RMI2: variants seen among roughly 807,000 people sequenced by gnomAD.
The protein encoded by RMI2 is RecQ mediated genome instability 2, also known as recQ-mediated genome instability protein 2.
Under a neutral mutation model 8.4 loss-of-function variants are expected in RMI2, and 11 were observed. The ratio of observed to expected loss-of-function variants is 1.32; its 90% CI spans 0.83 to 2.18. The LOEUF (loss-of-function observed/expected upper bound fraction) is 2.18. RMI2 is among the 30% of genes most tolerant of loss of function. RMI2 has a pLI of 0.00. For missense variants in RMI2, 253 were observed against 207.5 expected, an observed-to-expected ratio of 1.22 and a Z score of -1.35; for synonymous variants, 105 against 93.8, an observed-to-expected ratio of 1.12 and a Z score of -0.69.
intron 1 of RMI2, among the ~76,000 whole-genome samples, chr16:11,346,255 CTTT>C (rs34808246): frequency 3.5e-5 from 4 of 115,926 alleles, no homozygotes; most frequent in Admixed American, 9.0e-5. Context: ...TGCCTCCTCT[CTTT>C]TTTTTTTTTT....
chr16:11,347,972 G>T (rs1181664601), intron 1 of RMI2, among the ~76,000 whole-genome samples: 2 of 152,078 alleles, frequency 1.3e-5, no homozygotes, highest in African/African-American at 4.8e-5. Flanking sequence ...GTAGAGATGG[G>T]GTTTCAACAT....
In RMI2 at chr16:11,349,468, C is replaced by G. The variant is rs1197693397; in HGVS notation, c.296-1174C>G. ...TGCCTTCTCAGTAGAGCTCCTGTTCCCCTCTCCCGGTTGGAATGCCCTTGG... is the reference window on the plus strand; with the variant it reads ...TGCCTTCTCAGTAGAGCTCCTGTTCGCCTCTCCCGGTTGGAATGCCCTTGG... On this transcript the variant is annotated intron_variant, in intron 1 of 1. Coordinates refer to ENST00000312499, the MANE Select transcript of RMI2 (RefSeq NM_152308.3). This position sits in a 1 kb window ranked among gnomAD's most constrained non-coding sequence, Gnocchi z 4.2. The G allele has an allele frequency of 2.6e-5, 4 of 152,512 alleles. No individual in the cohort carries two copies. The highest frequency in any genetic ancestry group is 9.7e-5 in the African/African-American group (4 of 41,440). The allele number at this position is 152,512 out of a possible 1,614,324, so 9.4% of individuals were successfully genotyped here. A position where few individuals can be genotyped will look rare whatever the true frequency, so the allele number is the denominator to read the frequency against.
In RMI2 at chr16:11,345,706, G is replaced by A. The variant is rs994188486; in HGVS notation, c.235G>A (p.Gly79Arg). 2.4e-6 allele frequency: 3 copies of A among 1,261,306 alleles called. No individual in the cohort carries two copies. The highest frequency in any genetic ancestry group is 3.0e-5 in the African/African-American group (2 of 65,638). 78.1% of individuals were successfully genotyped at this position (1,261,306 alleles called of 1,614,324 possible). The change falls in exon 1 of 2, where the codon GGG becomes AGG. Residue 79 changes from glycine (G) to arginine (R), a missense_variant. Transcript: ENST00000312499. Reference sequence around the variant, plus strand: ...CGAGGCTCGGCTGAGGGACCCGAGCGGGGACTTCTCGGTCCGCGGCCTGGA... The same window carrying A: ...CGAGGCTCGGCTGAGGGACCCGAGCAGGGACTTCTCGGTCCGCGGCCTGGA... Reference protein sequence around the residue: ...RGEARLRDPSGDFSVRGLERV... With the variant: ...RGEARLRDPSRDFSVRGLERV...
chr16:11,351,564 G>A lies in RMI2; in HGVS notation c.*774G>A, dbSNP rs141231542. The A allele has an allele frequency of 1.2e-4, 28 of 232,238 alleles. No individual in the cohort carries two copies. In the East Asian group the frequency reaches 1.6e-3, roughly 14 times the overall value. 14.4% of individuals were successfully genotyped at this position (232,238 alleles called of 1,614,324 possible). A position where few individuals can be genotyped will look rare whatever the true frequency, so the allele number is the denominator to read the frequency against. ...GGCGAGACATGGTGAGCCTCCTGGT[G>A]TAGAGTTCTTTTGTCTTTGTATGGA... On this transcript the variant is annotated 3_prime_UTR_variant, in exon 2 of 2. Coordinates refer to ENST00000312499, the MANE Select transcript of RMI2 (RefSeq NM_152308.3).
At chr16:11,345,831 A>T in intron 1 of RMI2, 65 bp downstream of exon 1, 1 of 1,170,868 alleles carries the variant, frequency 8.5e-7, no homozygotes, top group Non-Finnish European at 1.1e-6. Context: ...CCGAGGCCAG[A>T]TTCGATCTTG....
At chr16:11,345,934 C>T (rs1436046379) in intron 1 of RMI2, among the ~76,000 whole-genome samples, 168 bp downstream of exon 1, 1 of 89,244 alleles carries the variant, frequency 1.1e-5, no homozygotes, top group Non-Finnish European at 2.7e-5. Context: ...GCTCCGGTCC[C>T]TCCTTGGTGA....
chr16:11,348,951 T>C (rs1005370453), intron 1 of RMI2: 1 of 152,508 alleles, frequency 6.6e-6, no homozygotes, highest in African/African-American at 2.4e-5. Context: ...ATGAGCCTCA[T>C]TGGCTGTCTG....
chr16:11,346,359 A>G lies in RMI2; in HGVS notation c.295+593A>G, dbSNP rs2070870929. 4.7e-5 allele frequency among the ~76,000 whole-genome samples: 7 copies of G among 147,482 alleles called. No individual in the cohort carries two copies. The South Asian group carries it at 1.5e-3, about 31-fold the overall frequency. On this transcript the variant is annotated intron_variant, in intron 1 of 1. Transcript: ENST00000312499. ...ACTGCAGCCTCCACCTCCCGAATTC[A>G]AGCGATTCTCATGCTTCAGCCTCCC...
rs1061128 is a variant in RMI2, at chr16:11,351,547, A to T, written c.*757A>T. ...TCCACTTCATAACTTTCGGCGAGAC[A>T]TGGTGAGCCTCCTGGTGTAGAGTTC... is the stretch of plus-strand genomic sequence containing the variant. On this transcript the variant is annotated 3_prime_UTR_variant, in exon 2 of 2. Coordinates refer to ENST00000312499, the MANE Select transcript of RMI2 (RefSeq NM_152308.3). The T allele has an allele frequency of 2.2e-5, 5 of 231,868 alleles. No individual in the cohort carries two copies. Among genetic ancestry groups the T allele is most frequent in the African/African-American group, 1.1e-4 (5 of 45,194 alleles). The allele number at this position is 231,868 out of a possible 1,614,324, so 14.4% of individuals were successfully genotyped here.
rs1303535820 is a variant in RMI2 at position 11,350,833 on chromosome 16, C to T, written c.*43C>T. 1 of 1,513,874 alleles carries T rather than the reference C, an allele frequency of 6.6e-7. No homozygotes were observed. The highest frequency in any genetic ancestry group is 9.0e-7 in the Non-Finnish European group (1 of 1,110,742). The allele number at this position is 1,513,874 out of a possible 1,614,324, so 93.8% of individuals were successfully genotyped here. On this transcript the variant is annotated 3_prime_UTR_variant, in exon 2 of 2. Transcript: ENST00000312499. ...GTTAAAAACAACCAAAATCCCGAAA[C>T]TATTTAGAAGCTTATAATGATGTGG... is the stretch of plus-strand genomic sequence containing the variant.
At chr16:11,347,862 C>T (rs1028284919) in intron 1 of RMI2, among the ~76,000 whole-genome samples, 21 of 152,228 alleles carry the variant, frequency 1.4e-4, no homozygotes, top group Admixed American at 1.3e-3. Context: ...CTTGCTGCAA[C>T]CTCCACCTCC....
In RMI2 at chr16:11,351,367, A is replaced by G. The variant is rs1457265962; in HGVS notation, c.*577A>G. ...CAACAGCTCCCTTTCTGCTTCGGACACCACTCAAACATTTAGACGCAGCTC... is the reference window on the plus strand; with the variant it reads ...CAACAGCTCCCTTTCTGCTTCGGACGCCACTCAAACATTTAGACGCAGCTC... On this transcript the variant is annotated 3_prime_UTR_variant, in exon 2 of 2. Transcript: ENST00000312499. 1 of 232,598 alleles carries G rather than the reference A, an allele frequency of 4.3e-6. No homozygotes were observed. Among genetic ancestry groups the G allele is most frequent in the Non-Finnish European group, 8.5e-6 (1 of 117,754 alleles). 14.4% of individuals were successfully genotyped at this position (232,598 alleles called of 1,614,324 possible).
chr16:11,346,756 G>T (rs565159431), intron 1 of RMI2, among the ~76,000 whole-genome samples: 1 of 152,114 alleles, frequency 6.6e-6, no homozygotes, highest in African/African-American at 2.4e-5. Flanking sequence ...CCATACTTTC[G>T]ACTTTTTAAA....
Position 11,351,748 on chromosome 16 carries a change from A to G in RMI2, c.*958A>G. The G allele has an allele frequency of 4.8e-6, 1 of 207,740 alleles. No individual in the cohort carries two copies. Among genetic ancestry groups the G allele is most frequent in the Non-Finnish European group, 9.8e-6 (1 of 102,402 alleles). 12.9% of individuals were successfully genotyped at this position (207,740 alleles called of 1,614,324 possible). On this transcript the variant is annotated 3_prime_UTR_variant, in exon 2 of 2. Transcript: ENST00000312499. ...ATTATTGATATTCTACCTCTAATAA[A>G]TTTTTAATAGGCTGTATGAGTTTTT...
chr16:11,347,449 C>G (rs531245288), intron 1 of RMI2, among the ~76,000 whole-genome samples: 1 of 152,228 alleles, frequency 6.6e-6, no homozygotes, highest in Non-Finnish European at 1.5e-5. Context: ...TGGTTCCACC[C>G]CTTCCCAACT....
In RMI2 at chr16:11,349,467, C is replaced by G. The variant is rs527742640; in HGVS notation, c.296-1175C>G. The G allele has an allele frequency of 2.0e-4, 31 of 152,630 alleles. No individual in the cohort carries two copies. The highest frequency in any genetic ancestry group is 7.2e-4 in the African/African-American group (30 of 41,564). The allele number at this position is 152,630 out of a possible 1,614,324, so 9.5% of individuals were successfully genotyped here. On this transcript the variant is annotated intron_variant, in intron 1 of 1. Transcript: ENST00000312499. The surrounding 1 kb of genome is among the most constrained non-coding windows in gnomAD (Gnocchi z 4.2). The stretch of plus-strand genomic sequence containing the variant: ...GTGCCTTCTCAGTAGAGCTCCTGTT[C>G]CCCTCTCCCGGTTGGAATGCCCTTG...
At position 11,349,122 on chromosome 16, in the gene RMI2, T is replaced by G. The variant is rs547342326; in HGVS notation, c.296-1520T>G. ...GTTGAAGGAGAAGCTCTTCCTGCCC[T>G]CAAGCTGCTCTCTGTCTGCAGGAGA... On this transcript the variant is annotated intron_variant, in intron 1 of 1. Coordinates refer to ENST00000312499, the MANE Select transcript of RMI2 (RefSeq NM_152308.3). This position sits in a 1 kb window ranked among gnomAD's most constrained non-coding sequence, Gnocchi z 4.2. 1 of 152,380 alleles carries G rather than the reference T, an allele frequency of 6.6e-6. No individual in the cohort carries two copies. The highest frequency in any genetic ancestry group is 2.4e-5 in the African/African-American group (1 of 41,568). The allele number at this position is 152,380 out of a possible 1,614,324, so 9.4% of individuals were successfully genotyped here. A position where few individuals can be genotyped will look rare whatever the true frequency, so the allele number is the denominator to read the frequency against.
Position 11,345,583 on chromosome 16 carries a change from C to A in RMI2, c.112C>A (p.Pro38Thr). ...GCTGCGGCGCGACGCGGAGGGCGGC[C>A]CGGGCGCGTGGCGGCTGTCACGGGC... ...EQLRRDAEGG[P>T]GAWRLSRAAA... The change falls in exon 1 of 2, where the codon CCG (proline) becomes ACG (threonine). Residue 38 changes from proline to threonine, a missense_variant. Physicochemically the swap from Pro to Thr is conservative, Grantham distance 38. Coordinates refer to ENST00000312499, the MANE Select transcript of RMI2 (RefSeq NM_152308.3). The A allele has an allele frequency of 2.5e-6, 3 of 1,223,590 alleles. No homozygotes were observed. Among genetic ancestry groups the A allele is most frequent in the Non-Finnish European group, 3.1e-6 (3 of 983,578 alleles). 75.8% of individuals were successfully genotyped at this position (1,223,590 alleles called of 1,614,324 possible).
In RMI2 at chr16:11,345,720, C is replaced by T; in HGVS notation, c.249C>T (p.Val83=). ...GGGACCCGAGCGGGGACTTCTCGGT[C>T]CGCGGCCTGGAGCGGGTGCCGCGCG... is the stretch of plus-strand genomic sequence containing the variant. ...RLRDPSGDFS[V]RGLERVPRGR... Residue 83 remains valine, a synonymous_variant, in exon 1 of 2, where the codon GTC becomes GTT. Transcript: ENST00000312499. 8 of 1,252,018 alleles carry T rather than the reference C, an allele frequency of 6.4e-6. No individual in the cohort carries two copies. The highest frequency in any genetic ancestry group is 8.0e-6 in the Non-Finnish European group (8 of 999,582). 77.6% of individuals were successfully genotyped at this position (1,252,018 alleles called of 1,614,324 possible).
Sources: gnomAD v4.1 joint callset for allele counts (sites outside exome capture counted in the v4.1 genomes callset) on GRCh38, gnomAD v4.1.1 for gene constraint, Gnocchi (gnomAD v3.1) non-coding constraint, MANE v1.5 for transcripts, NCBI Gene and HGNC (gene_info 2026-07-23, HGNC 2026-07-21) for gene names.